The following CDK13 variants were observed in gnomAD, a reference collection of about 807,000 sequenced individuals.
CDK13 encodes cyclin dependent kinase 13, also known as cyclin-dependent kinase 13.
A neutral mutation model predicts 137.6 loss-of-function variants in CDK13; 40 were observed. The ratio of observed to expected loss-of-function variants is 0.29; its 90% CI spans 0.23 to 0.38. The LOEUF (loss-of-function observed/expected upper bound fraction) is 0.38. CDK13 is among the 10% of genes least tolerant of loss of function. The pLI is 1.00. For synonymous variants in CDK13, 869 were observed against 760.1 expected (o/e 1.14, Z -2.36); for missense variants, 1,704 against 1,951.8 (o/e 0.87, Z 2.39).
chr7:40,094,756 A>G lies in CDK13; in HGVS notation c.4315A>G (p.Asn1439Asp). The G allele has an allele frequency of 6.2e-7, 1 of 1,613,748 alleles. No individual in the cohort carries two copies. Among genetic ancestry groups the G allele is most frequent in the Non-Finnish European group, 8.5e-7 (1 of 1,179,796 alleles). The change falls in exon 14 of 14, where the codon AAC becomes GAC. Residue 1439 changes from asparagine to aspartate, a missense_variant. This residue lies in a region of CDK13 where 475 missense variants were observed against 579.3 expected (regional missense o/e 0.82). Transcript: ENST00000181839. ...YSHGPIAVLA[N>D]SSDPSTGPES... ...CCATGGTCCTATTGCAGTCCTGGCA[A>G]ACAGCAGTGACCCTTCCACGGGGCC...
intron 11 of CDK13, 32 bp from the exon 12 acceptor site, chr7:40,088,094 C>T (rs1218630482): frequency 1.3e-6 from 2 of 1,582,666 alleles, no homozygotes; most frequent in Non-Finnish European, 8.6e-7. Context: ...TAAGAAATGC[C>T]ATTTACAATT....
chr7:39,954,442 T>C (rs1787341419), intron 1 of CDK13, among the ~76,000 whole-genome samples: 1 of 152,252 alleles, frequency 6.6e-6, no homozygotes, highest in Non-Finnish European at 1.5e-5. Context: ...AATGGACTGC[T>C]GTGAGTTCCA....
At chr7:40,026,398 A>G (rs1034942048) in intron 5 of CDK13, among the ~76,000 whole-genome samples, 7 of 152,158 alleles carry the variant, frequency 4.6e-5, no homozygotes, top group East Asian at 1.9e-4. Flanking sequence ...AGTCCCAGCT[A>G]CTTGGGGGGC....
At chr7:40,058,565 A>AAAAAAAAAAAGG (rs1584050208) in intron 7 of CDK13, among the ~76,000 whole-genome samples, 1 of 42,364 alleles carries the variant, frequency 2.4e-5, no homozygotes. Flanking sequence ...AAAAACAAAA[A>AAAAAAAAAAAGG]CGGGCAGGGC....
In CDK13 at chr7:40,022,860, T is replaced by C. The variant is rs1388658111; in HGVS notation, c.2353+20829T>C. ...AAAGTTTTTTTTCTTTTCGTCTTCT[T>C]TTTTTTTTTTTTGCAGTTAGGCAGA... On this transcript the variant is annotated intron_variant, in intron 5 of 13. Coordinates refer to ENST00000181839, the MANE Select transcript of CDK13 (RefSeq NM_003718.5). Among the ~76,000 whole-genome samples, 16 of 146,116 alleles carry C rather than the reference T, an allele frequency of 1.1e-4. No individual in the cohort carries two copies. The East Asian group carries it at 1.8e-3, about 16-fold the overall frequency.
At chr7:39,975,727 C>G (rs993395567) in intron 1 of CDK13, among the ~76,000 whole-genome samples, 2 of 152,122 alleles carry the variant, frequency 1.3e-5, no homozygotes, top group South Asian at 4.1e-4. Flanking sequence ...GCTTGACCTT[C>G]TGCAAAAGCA....
chr7:39,967,783 A>T (rs1334983811), intron 1 of CDK13, among the ~76,000 whole-genome samples: 1 of 152,134 alleles, frequency 6.6e-6, no homozygotes, highest in Non-Finnish European at 1.5e-5. Flanking sequence ...TAGCCATTCT[A>T]ACAGGTGGGA....
At chr7:39,977,382 T>G (rs1784133335) in intron 1 of CDK13, among the ~76,000 whole-genome samples, 2 of 152,228 alleles carry the variant, frequency 1.3e-5, no homozygotes, top group South Asian at 4.1e-4. Flanking sequence ...CTGCTAGGTT[T>G]ATGATAGAAG....
At chr7:39,984,550 T>C (rs1306974505) in intron 1 of CDK13, 1 of 152,214 alleles carries the variant, frequency 6.6e-6, no homozygotes, top group African/African-American at 2.4e-5. Context: ...GATACAGGCA[T>C]GCATGCATAT....
intron 1 of CDK13, among the ~76,000 whole-genome samples, chr7:39,975,301 CT>C (rs1331719285): frequency 6.6e-6 from 1 of 152,046 alleles, no homozygotes; most frequent in Non-Finnish European, 1.5e-5. Flanking sequence ...GTCCCATCTA[CT>C]TGAGGGGCTG....
chr7:40,019,142 T>G (rs189249066), intron 5 of CDK13, among the ~76,000 whole-genome samples: 7 of 152,294 alleles, frequency 4.6e-5, no homozygotes, highest in Non-Finnish European at 8.8e-5. Context: ...TTGTTAAAAT[T>G]TATTCCAGGA....
rs1442417418 is a variant in CDK13, at chr7:39,951,552, A to G, written c.911A>G (p.Lys304Arg). 1.3e-6 allele frequency: 2 copies of G among 1,538,060 alleles called. No homozygotes were observed. The highest frequency in any genetic ancestry group is 1.2e-5 in the South Asian group (1 of 82,700). Residue 304 changes from lysine (K) to arginine (R), a missense_variant, in exon 1 of 14, where the codon AAG becomes AGG. Lys to Arg is a conservative substitution (Grantham distance 26). This residue lies in a region of CDK13 where 1,051 missense variants were observed against 931.0 expected (regional missense o/e 1.13). Transcript: ENST00000181839. ...KEPPKAYRED[K>R]TEPKAYRRRR... ...CCGCCCAAGGCCTACCGGGAGGACA[A>G]GACCGAGCCTAAGGCCTACAGGCGG...
At chr7:39,957,090 CGTGTGTGTGT>C (rs70996865) in intron 1 of CDK13, among the ~76,000 whole-genome samples, 141 of 141,014 alleles carry the variant, frequency 1.0e-3, no homozygotes, top group East Asian at 4.2e-3. Flanking sequence ...ATCCCACTGT[CGTGTGTGTGT>C]GTGTGTGTGT....
intron 5 of CDK13, among the ~76,000 whole-genome samples, chr7:40,025,924 T>G (rs1283723414): frequency 1.6e-4 from 25 of 152,212 alleles, no homozygotes; most frequent in Admixed American, 1.6e-3. Context: ...CAATTTTTTT[T>G]GTTGCCAAAG....
rs1403198214 is a variant in CDK13 at position 40,095,776 on chromosome 7, T to G, written c.*796T>G. 6.6e-6 allele frequency: 1 copy of G among 152,160 alleles called. No individual in the cohort carries two copies. 9.4% of individuals were successfully genotyped at this position (152,160 alleles called of 1,614,324 possible). A position where few individuals can be genotyped will look rare whatever the true frequency, so the allele number is the denominator to read the frequency against. On this transcript the variant is annotated 3_prime_UTR_variant, in exon 14 of 14. Coordinates refer to ENST00000181839, the MANE Select transcript of CDK13 (RefSeq NM_003718.5). The stretch of plus-strand genomic sequence containing the variant: ...ATTAAAAAGGCAAGAAACTCTGAAG[T>G]TTCAGGGGCTGCCTGTTCAGTTCCT...
intron 1 of CDK13, among the ~76,000 whole-genome samples, chr7:39,953,503 A>G (rs1405903608): frequency 6.6e-6 from 1 of 152,184 alleles, no homozygotes; most frequent in Non-Finnish European, 1.5e-5. Context: ...CCTTTATTGT[A>G]TAATAGTGGT....
chr7:39,982,694 C>A (rs1367283640), intron 1 of CDK13, among the ~76,000 whole-genome samples: 1 of 152,028 alleles, frequency 6.6e-6, no homozygotes, highest in Non-Finnish European at 1.5e-5. Flanking sequence ...CCTGACTTTT[C>A]AATGATTGCC....
chr7:40,029,337 A>G (rs1453445529), intron 5 of CDK13, among the ~76,000 whole-genome samples: 1 of 151,146 alleles, frequency 6.6e-6, no homozygotes, highest in Non-Finnish European at 1.5e-5. Context: ...CTGAGGCAGG[A>G]GAATCACTTG....
At chr7:40,043,023 T>C (rs1275381115) in intron 5 of CDK13, among the ~76,000 whole-genome samples, 2 of 152,154 alleles carry the variant, frequency 1.3e-5, no homozygotes, top group Non-Finnish European at 2.9e-5. Context: ...AGCAGTCCTC[T>C]CGCCCCGATC....
Sources: allele counts gnomAD v4.1 joint callset (sites outside exome capture counted in the v4.1 genomes callset), GRCh38; gene constraint gnomAD v4.1.1; regional missense constraint gnomAD v4.1.1; transcripts MANE v1.5; gene names NCBI Gene and HGNC (gene_info 2026-07-23, HGNC 2026-07-21).